PTPRT: variants seen among roughly 807,000 people sequenced by gnomAD.
PTPRT encodes protein tyrosine phosphatase receptor type T.
PTPRT carries 56 observed loss-of-function variants against 176.8 expected under a neutral mutation model. That is an observed-to-expected ratio of 0.32 (90% CI 0.26 to 0.40). The LOEUF is 0.40. Ranked by LOEUF, PTPRT falls within the 10% of genes least tolerant of loss-of-function variation. The probability of loss-of-function intolerance (pLI) is 1.00; values close to 1 mark genes in which losing one functional copy is unlikely to be tolerated. For synonymous variants in PTPRT, 783 were observed against 739.0 expected (o/e 1.06, Z -0.96); for missense variants, 1,540 against 1,908.2 (o/e 0.81, Z 3.60).
intron 7 of PTPRT, among the ~76,000 whole-genome samples, chr20:42,657,568 TG>T (rs34227148): frequency 0.076 from 11,590 of 152,098 alleles, 572 homozygotes; most frequent in Middle Eastern, 0.16. Context: ...TATGGCTTTG[TG>T]GGGGGGAAAA....
chr20:42,145,359 G>A (rs1177800792), intron 17 of PTPRT, among the ~76,000 whole-genome samples: 1 of 152,134 alleles, frequency 6.6e-6, no homozygotes, highest in African/African-American at 2.4e-5. Flanking sequence ...AATTAGCTGG[G>A]CGTGGTGACA....
At chr20:42,644,068 C>T (rs7265474) in intron 7 of PTPRT, among the ~76,000 whole-genome samples, 1,648 of 152,152 alleles carry the variant, frequency 0.011, 35 homozygotes, top group African/African-American at 0.038. Context: ...TGAAGAGACC[C>T]GCAGAAAACC....
intron 5 of PTPRT, among the ~76,000 whole-genome samples, chr20:42,758,298 C>A (rs987481719): frequency 6.6e-6 from 1 of 152,196 alleles, no homozygotes; most frequent in Non-Finnish European, 1.5e-5. Context: ...CTACTTTCAT[C>A]TATGTCATCT....
intron 7 of PTPRT, among the ~76,000 whole-genome samples, chr20:42,493,864 C>G (rs542607992): frequency 6.6e-6 from 1 of 152,150 alleles, no homozygotes; most frequent in Non-Finnish European, 1.5e-5. Flanking sequence ...CTGCTCAACA[C>G]ATTCCTAAAG....
chr20:42,916,729 T>C (rs1368122402), intron 1 of PTPRT, among the ~76,000 whole-genome samples: 1 of 152,182 alleles, frequency 6.6e-6, no homozygotes, highest in Non-Finnish European at 1.5e-5. Context: ...TGGTGAGCAT[T>C]TTTTCATGTT....
intron 2 of PTPRT, among the ~76,000 whole-genome samples, chr20:42,842,538 G>A (rs561352455): frequency 1.2e-4 from 18 of 151,440 alleles, no homozygotes; most frequent in Admixed American, 9.9e-4. Context: ...TCCTGCCTCC[G>A]CCCCCCGAGT....
chr20:42,335,999 A>G (rs2058034450), intron 11 of PTPRT, among the ~76,000 whole-genome samples: 1 of 152,202 alleles, frequency 6.6e-6, no homozygotes, highest in Non-Finnish European at 1.5e-5. Context: ...CCCATCTGTA[A>G]AATAGGGATA....
chr20:42,742,696 C>T (rs1442846406), intron 6 of PTPRT, among the ~76,000 whole-genome samples: 2 of 152,200 alleles, frequency 1.3e-5, no homozygotes, highest in African/African-American at 2.4e-5. Context: ...GAGAACGTAA[C>T]ATTGTCACAC....
chr20:42,613,609 T>A (rs2074011701), intron 7 of PTPRT, among the ~76,000 whole-genome samples: 1 of 152,144 alleles, frequency 6.6e-6, no homozygotes, highest in Non-Finnish European at 1.5e-5. Context: ...AGTAGCAGAG[T>A]GATCACTTTA....
chr20:42,722,018 T>A (rs1451492526), intron 6 of PTPRT, among the ~76,000 whole-genome samples: 1 of 152,192 alleles, frequency 6.6e-6, no homozygotes, highest in Non-Finnish European at 1.5e-5. Flanking sequence ...GCCAGAGGTA[T>A]CTGCACCTGT....
intron 11 of PTPRT, among the ~76,000 whole-genome samples, chr20:42,333,811 G>GTTC (rs2058002236): frequency 6.6e-6 from 1 of 152,056 alleles, no homozygotes; most frequent in African/African-American, 2.4e-5. Flanking sequence ...CTGCTGAGTA[G>GTTC]CTGGAACTAC....
chr20:42,369,873 T>C (rs1376934513), intron 9 of PTPRT, among the ~76,000 whole-genome samples: 2 of 152,182 alleles, frequency 1.3e-5, no homozygotes, highest in Admixed American at 6.5e-5. Context: ...TTGAGGGATG[T>C]TGTGTTTTTA....
chr20:42,799,473 G>A (rs948430735), intron 2 of PTPRT, among the ~76,000 whole-genome samples: 23 of 152,240 alleles, frequency 1.5e-4, no homozygotes, highest in African/African-American at 4.3e-4. Flanking sequence ...TGGGACCTGC[G>A]TCTCCCTTTA....
chr20:42,682,792 T>C (rs963942350), intron 6 of PTPRT, among the ~76,000 whole-genome samples: 2 of 152,176 alleles, frequency 1.3e-5, no homozygotes, highest in Non-Finnish European at 2.9e-5. Context: ...AAGTGACCCC[T>C]TCCTGTAATT....
intron 7 of PTPRT, among the ~76,000 whole-genome samples, chr20:42,663,658 C>A (rs961137029): frequency 4.6e-5 from 7 of 152,154 alleles, no homozygotes; most frequent in Admixed American, 1.3e-4. Flanking sequence ...AAACTGGCCC[C>A]AGCTGATATG....
At chr20:42,313,636 A>G (rs962712055) in intron 12 of PTPRT, among the ~76,000 whole-genome samples, 1 of 152,214 alleles carries the variant, frequency 6.6e-6, no homozygotes, top group Non-Finnish European at 1.5e-5. Context: ...ATATGTGCCA[A>G]GAGCAGGGAA....
intron 6 of PTPRT, among the ~76,000 whole-genome samples, chr20:42,708,685 G>C (rs1377407522): frequency 6.6e-6 from 1 of 152,194 alleles, no homozygotes; most frequent in Admixed American, 6.5e-5. Flanking sequence ...GCTTGAACAA[G>C]TTGCTTAACA....
At chr20:42,201,950 C>CGTGTGTGTGTGTGTGTGTGT (rs11468258) in intron 15 of PTPRT, among the ~76,000 whole-genome samples, 8,296 of 143,044 alleles carry the variant, frequency 0.058, 355 homozygotes, top group Non-Finnish European at 0.076. Context: ...AGAAAAGTTG[C>CGTGTGTGTGTGTGTGTGTGT]GTGTGTGTGT....
Position 42,079,357 on chromosome 20 carries a change from G to A in PTPRT, c.*1522C>T. 4.8e-6 allele frequency: 1 copy of A among 208,202 alleles called. No individual in the cohort carries two copies. The highest frequency in any genetic ancestry group is 9.8e-6 in the Non-Finnish European group (1 of 102,156). The allele number at this position is 208,202 out of a possible 1,614,324, so 12.9% of individuals were successfully genotyped here. ...TAAAATAATTGCTTGGCTTAGAGAA[G>A]ATGAAGAAAACAGCACGGAGAAGTC... is the stretch of plus-strand genomic sequence containing the variant. On this transcript the variant is annotated 3_prime_UTR_variant, in exon 31 of 31. Coordinates refer to ENST00000373187, the MANE Select transcript of PTPRT (RefSeq NM_007050.6).
Sources: gnomAD v4.1 joint callset for allele counts (sites outside exome capture counted in the v4.1 genomes callset) on GRCh38, gnomAD v4.1.1 for gene constraint, MANE v1.5 for transcripts, NCBI Gene and HGNC (gene_info 2026-07-23, HGNC 2026-07-21) for gene names.